The following FRMD4A variants were observed in gnomAD, a reference collection of about 807,000 sequenced individuals.
FRMD4A encodes the protein FERM domain containing 4A.
FRMD4A carries 29 observed loss-of-function variants against 129.1 expected under a neutral mutation model. That is an observed-to-expected ratio of 0.22 (90% CI 0.17 to 0.31). FRMD4A has a LOEUF of 0.31. FRMD4A is among the 10% of genes least tolerant of loss of function. The pLI is 1.00. For synonymous variants in FRMD4A, 634 were observed against 571.6 expected, an observed-to-expected ratio of 1.11 and a Z score of -1.56; for missense variants, 1,272 against 1,375.8, an observed-to-expected ratio of 0.92 and a Z score of 1.19.
intron 2 of FRMD4A, among the ~76,000 whole-genome samples, chr10:13,984,146 G>A (rs373003434): frequency 1.7e-4 from 26 of 152,088 alleles, no homozygotes; most frequent in East Asian, 5.8e-4. Flanking sequence ...TCTGCAGGGG[G>A]CACGCCAGCT....
At position 13,750,069 on chromosome 10, in the gene FRMD4A, G is replaced by GAAAGAAAGAAAGAAAGA. The variant is rs2091502310; in HGVS notation, c.465-2251_465-2250insTCTTTCTTTCTTTCTTT. Among the ~76,000 whole-genome samples, 49 of 55,650 alleles carry GAAAGAAAGAAAGAAAGA rather than the reference G, an allele frequency of 8.8e-4. 2 individuals carry two copies. The highest frequency in any genetic ancestry group is 2.5e-3 in the East Asian group (5 of 1,992). 36.5% of individuals were successfully genotyped at this position (55,650 alleles called of 152,430 possible). A position where few individuals can be genotyped will look rare whatever the true frequency, so the allele number is the denominator to read the frequency against. ...GAAAGGAAGGAAGGAAGGAAGGAAG[G>GAAAGAAAGAAAGAAAGA]AAGAAAGAAAGAAAGAAAGAAAGAA... On this transcript the variant is annotated intron_variant, in intron 8 of 24. Transcript: ENST00000357447.
rs776187039 is a variant in FRMD4A, at chr10:13,821,813, C to T, written c.112-10905G>A. Among the ~76,000 whole-genome samples the T allele has an allele frequency of 2.6e-5, 4 of 152,088 alleles. No homozygotes were observed. Among genetic ancestry groups the T allele is most frequent in the Non-Finnish European group, 4.4e-5 (3 of 68,016 alleles). On this transcript the variant is annotated intron_variant, in intron 3 of 24. Transcript: ENST00000357447. The surrounding 1 kb of genome is among the most constrained non-coding windows in gnomAD (Gnocchi z 4.3). ...ACCATCTGCCCAGCCCACTTCATGA[C>T]GGCAGCAGAAAGGAAAGCCTAGAGG...
intron 2 of FRMD4A, among the ~76,000 whole-genome samples, chr10:14,115,572 G>C (rs1838157017): frequency 6.6e-6 from 1 of 152,258 alleles, no homozygotes; most frequent in Admixed American, 6.5e-5. Context: ...GGGAGGGCCT[G>C]GTGGGAGATG....
At chr10:13,802,003 C>CAAAAAAA (rs11426622) in intron 4 of FRMD4A, among the ~76,000 whole-genome samples, 4 of 109,498 alleles carry the variant, frequency 3.7e-5, no homozygotes, top group Non-Finnish European at 5.3e-5. Context: ...AATAATAATG[C>CAAAAAAA]AAAAAAAAAA....
intron 19 of FRMD4A, among the ~76,000 whole-genome samples, 180 bp from the exon 20 acceptor site, chr10:13,660,733 A>G (rs934173714): frequency 6.6e-6 from 1 of 152,220 alleles, no homozygotes; most frequent in Non-Finnish European, 1.5e-5. Flanking sequence ...AGACGAGTCA[A>G]ACCAAACCAG....
At chr10:14,289,098 C>T (rs915784514) in intron 2 of FRMD4A, among the ~76,000 whole-genome samples, 2 of 152,148 alleles carry the variant, frequency 1.3e-5, no homozygotes, top group South Asian at 2.1e-4. Flanking sequence ...TATGTCTCTT[C>T]AATATCTTGA....
chr10:13,755,537 T>C (rs954803259), intron 8 of FRMD4A, among the ~76,000 whole-genome samples: 3 of 152,200 alleles, frequency 2.0e-5, no homozygotes, highest in Admixed American at 2.0e-4. Context: ...TTGTGGAAGT[T>C]AATGGGAATT....
chr10:14,202,153 AT>A (rs1309225131), intron 2 of FRMD4A, among the ~76,000 whole-genome samples: 2 of 139,894 alleles, frequency 1.4e-5, no homozygotes, highest in Non-Finnish European at 3.2e-5. Flanking sequence ...AAAAAAAAAA[AT>A]TCACGTGGAG....
intron 4 of FRMD4A, among the ~76,000 whole-genome samples, chr10:13,800,128 G>T (rs962095907): frequency 2.6e-4 from 40 of 152,178 alleles, no homozygotes; most frequent in Non-Finnish European, 3.4e-4. Context: ...GTTGCAGTGA[G>T]CTGAGATGGC....
intron 2 of FRMD4A, among the ~76,000 whole-genome samples, chr10:14,259,607 ATTTC>A (rs1279930349): frequency 6.6e-6 from 1 of 152,094 alleles, no homozygotes; most frequent in Non-Finnish European, 1.5e-5. Flanking sequence ...TTTCTTTATA[ATTTC>A]TTCTATTTAC....
rs891451088 is a variant in FRMD4A, at chr10:14,066,235, T to A, written c.46-207323A>T. Among the ~76,000 whole-genome samples, 5 of 151,278 alleles carry A rather than the reference T, an allele frequency of 3.3e-5. No individual in the cohort carries two copies. The South Asian group carries it at 1.1e-3, about 32-fold the overall frequency. On this transcript the variant is annotated intron_variant, in intron 2 of 24. Coordinates refer to ENST00000357447, the MANE Select transcript of FRMD4A (RefSeq NM_018027.5). ...TTAGTATGTAGAGCTGCACCAGGAG[T>A]TGGCCAGAAGCTATTTACTGTCACC... is the stretch of plus-strand genomic sequence containing the variant.
At chr10:13,997,390 T>C (rs1274726962) in intron 2 of FRMD4A, among the ~76,000 whole-genome samples, 1 of 152,210 alleles carries the variant, frequency 6.6e-6, no homozygotes, top group Non-Finnish European at 1.5e-5. Flanking sequence ...AAAATTGTTC[T>C]AAGAGTTTCT....
intron 2 of FRMD4A, among the ~76,000 whole-genome samples, chr10:14,254,378 G>A (rs1048462391): frequency 2.0e-5 from 3 of 152,078 alleles, no homozygotes; most frequent in African/African-American, 7.2e-5. Flanking sequence ...TTTAAATGTC[G>A]TTTGCTTTGT....
At chr10:13,930,060 GA>G (rs1041758501) in intron 2 of FRMD4A, among the ~76,000 whole-genome samples, 8 of 151,844 alleles carry the variant, frequency 5.3e-5, no homozygotes, top group South Asian at 2.1e-4. Context: ...TTCTCTCCAA[GA>G]AAAAAAATAC....
chr10:13,867,199 G>A (rs1269459740), intron 2 of FRMD4A, among the ~76,000 whole-genome samples: 1 of 151,894 alleles, frequency 6.6e-6, no homozygotes. Flanking sequence ...CACATCTATG[G>A]GTATCCAATA....
chr10:13,791,530 G>A (rs2093000681), intron 5 of FRMD4A, among the ~76,000 whole-genome samples: 1 of 152,116 alleles, frequency 6.6e-6, no homozygotes, highest in Non-Finnish European at 1.5e-5. Flanking sequence ...GTAGTTGGAA[G>A]GGTGCACAAT....
At chr10:13,935,190 G>A (rs1266782941) in intron 2 of FRMD4A, among the ~76,000 whole-genome samples, 2 of 152,038 alleles carry the variant, frequency 1.3e-5, no homozygotes, top group Non-Finnish European at 2.9e-5. Flanking sequence ...TGTAATCCCA[G>A]CACTTTGGTA....
intron 6 of FRMD4A, among the ~76,000 whole-genome samples, chr10:13,776,687 C>A (rs189794302): frequency 6.6e-6 from 1 of 152,100 alleles, no homozygotes. Flanking sequence ...CAGAAATAAG[C>A]GGCTTATTTT....
In FRMD4A at chr10:13,684,416, T is replaced by C. The variant is rs1338350203; in HGVS notation, c.1118-9372A>G. 3.0e-6 allele frequency: 3 copies of C among 984,500 alleles called. No individual in the cohort carries two copies. In the African/African-American group the frequency reaches 5.2e-5, roughly 17 times the overall value. The allele number at this position is 984,500 out of a possible 1,614,324, so 61.0% of individuals were successfully genotyped here. On this transcript the variant is annotated intron_variant, in intron 15 of 24. Transcript: ENST00000357447. ...TGTTTGAGACCCTGGAGACACTGCCTGTGTCACTGTGGGTTTCCCAGCTTC... is the reference window on the plus strand; with the variant it reads ...TGTTTGAGACCCTGGAGACACTGCCCGTGTCACTGTGGGTTTCCCAGCTTC...
Sources: gnomAD v4.1 joint callset for allele counts (sites outside exome capture counted in the v4.1 genomes callset) on GRCh38, gnomAD v4.1.1 for gene constraint, Gnocchi (gnomAD v3.1) non-coding constraint, MANE v1.5 for transcripts, NCBI Gene and HGNC (gene_info 2026-07-23, HGNC 2026-07-21) for gene names.